The following OXR1 variants were observed in gnomAD, a reference collection of about 807,000 sequenced individuals.
OXR1 encodes the protein oxidation resistance protein 1.
OXR1 carries 41 observed loss-of-function variants against 104.6 expected under a neutral mutation model. That is an observed-to-expected ratio of 0.39 (90% CI 0.31 to 0.51). OXR1 has a LOEUF of 0.51. Ranked by LOEUF, OXR1 falls within the 20% of genes least tolerant of loss-of-function variation. OXR1 has a pLI of 0.77. For synonymous variants in OXR1, 348 were observed against 348.4 expected (o/e 1.00, Z 0.01); for missense variants, 955 against 1,031.9 (o/e 0.93, Z 1.02).
intron 1 of OXR1, among the ~76,000 whole-genome samples, chr8:106,357,845 A>G (rs1457866179): frequency 1.3e-5 from 2 of 152,108 alleles, no homozygotes; most frequent in African/African-American, 4.8e-5. Context: ...CAGTAAGTAA[A>G]AAAACCACAA....
chr8:106,605,634 A>G (rs1190444328), intron 3 of OXR1, among the ~76,000 whole-genome samples: 1 of 84,296 alleles, frequency 1.2e-5, no homozygotes, highest in East Asian at 5.8e-4. Context: ...GTCTCTACTA[A>G]AAAAAAAAAA....
intron 2 of OXR1, among the ~76,000 whole-genome samples, chr8:106,511,459 A>C (rs865833090): frequency 3.3e-5 from 5 of 152,134 alleles, no homozygotes; most frequent in African/African-American, 1.2e-4. Context: ...TCTTGCTGGA[A>C]ATTACTGGAA....
intron 11 of OXR1, among the ~76,000 whole-genome samples, chr8:106,722,294 A>G (rs1215661461): frequency 3.3e-5 from 5 of 152,200 alleles, no homozygotes; most frequent in Non-Finnish European, 4.4e-5. Context: ...CTACATTGAG[A>G]AATCACATTT....
At chr8:106,423,757 G>T (rs1198698655) in intron 2 of OXR1, among the ~76,000 whole-genome samples, 1 of 152,206 alleles carries the variant, frequency 6.6e-6, no homozygotes, top group Non-Finnish European at 1.5e-5. Flanking sequence ...TCTCTTAAGA[G>T]TTAGCTCTCC....
intron 12 of OXR1, 68 bp from the exon 13 acceptor site, chr8:106,739,390 A>G (rs955177036): frequency 7.1e-7 from 1 of 1,403,224 alleles, no homozygotes; most frequent in African/African-American, 1.4e-5. Flanking sequence ...ATTTATCTGA[A>G]AAGTCTGACA....
At chr8:106,316,653 A>G (rs1052539574) in intron 1 of OXR1, among the ~76,000 whole-genome samples, 1 of 152,004 alleles carries the variant, frequency 6.6e-6, no homozygotes, top group Admixed American at 6.6e-5. Context: ...GGGCTAGGAA[A>G]GGTTAGTGGC....
Position 106,546,770 on chromosome 8 carries a change from A to G in OXR1, c.220+27631A>G. On this transcript the variant is annotated intron_variant, in intron 3 of 16. Transcript: ENST00000517566. ...CTGCAGCTATTTGCTTAGGCATAAA[A>G]GGAAAAGCAGTTGCTTGCGTGACTC... is the stretch of plus-strand genomic sequence containing the variant. Among the ~76,000 whole-genome samples the G allele has an allele frequency of 1.3e-5, 2 of 152,250 alleles. 1 individual carries two copies. The highest frequency in any genetic ancestry group is 1.3e-4 in the Admixed American group (2 of 15,280).
intron 3 of OXR1, among the ~76,000 whole-genome samples, chr8:106,670,548 T>C (rs1407548849): frequency 6.6e-6 from 1 of 152,196 alleles, no homozygotes; most frequent in African/African-American, 2.4e-5. Flanking sequence ...ATTAAGAATT[T>C]TGTAGAAAGT....
At chr8:106,273,294 G>C (rs1263590606) in intron 1 of OXR1, among the ~76,000 whole-genome samples, 1 of 152,122 alleles carries the variant, frequency 6.6e-6, no homozygotes, top group Non-Finnish European at 1.5e-5. Context: ...GAAATGGCTT[G>C]AGGAGGCAGA....
intron 3 of OXR1, among the ~76,000 whole-genome samples, chr8:106,551,531 C>G (rs1815803547): frequency 2.0e-5 from 3 of 151,954 alleles, no homozygotes; most frequent in African/African-American, 7.3e-5. Context: ...AATTCAGTTT[C>G]AAATGCTGAA....
At chr8:106,531,559 T>C (rs1814094682) in intron 3 of OXR1, among the ~76,000 whole-genome samples, 1 of 152,196 alleles carries the variant, frequency 6.6e-6, no homozygotes, top group Admixed American at 6.5e-5. Flanking sequence ...TGATAACATA[T>C]TGTAGATAAA....
intron 5 of OXR1, 47 bp downstream of exon 5, chr8:106,683,353 A>G: frequency 1.1e-6 from 1 of 871,848 alleles, no homozygotes; most frequent in Non-Finnish European, 1.9e-6. Context: ...CATTAAACAG[A>G]AAGGCAGAAA....
chr8:106,516,835 AGTT>A (rs1812895330), intron 2 of OXR1, among the ~76,000 whole-genome samples: 1 of 152,156 alleles, frequency 6.6e-6, no homozygotes, highest in Non-Finnish European at 1.5e-5. Flanking sequence ...ATATTGTTAT[AGTT>A]GTTCTGTGTT....
intron 3 of OXR1, among the ~76,000 whole-genome samples, chr8:106,598,681 A>G (rs1453322046): frequency 6.6e-6 from 1 of 152,248 alleles, no homozygotes; most frequent in African/African-American, 2.4e-5. Flanking sequence ...AAATATCCAT[A>G]GAAAACAGAA....
intron 2 of OXR1, among the ~76,000 whole-genome samples, chr8:106,475,646 TTA>T (rs1244129743): frequency 1.3e-5 from 2 of 152,032 alleles, no homozygotes; most frequent in African/African-American, 4.8e-5. Flanking sequence ...TGCCCATATC[TTA>T]TGAGTCCATT....
At chr8:106,370,064 G>A (rs200057690) in intron 2 of OXR1, among the ~76,000 whole-genome samples, 1 of 151,990 alleles carries the variant, frequency 6.6e-6, no homozygotes, top group African/African-American at 2.4e-5. Flanking sequence ...TGTGTCCTCT[G>A]TTATTTCCTT....
chr8:106,504,164 ATTCTCAGC>A (rs1298491303), intron 2 of OXR1, among the ~76,000 whole-genome samples: 1 of 152,198 alleles, frequency 6.6e-6, no homozygotes, highest in Non-Finnish European at 1.5e-5. Flanking sequence ...TGCAGGAATG[ATTCTCAGC>A]TTTGTACACA....
At chr8:106,640,578 A>C (rs1231487620) in intron 3 of OXR1, among the ~76,000 whole-genome samples, 2 of 152,120 alleles carry the variant, frequency 1.3e-5, no homozygotes, top group South Asian at 4.1e-4. Flanking sequence ...CCTCTCTTTA[A>C]TAATAATAGA....
At chr8:106,378,402 G>C (rs765122365) in intron 2 of OXR1, among the ~76,000 whole-genome samples, 5 of 152,210 alleles carry the variant, frequency 3.3e-5, no homozygotes, top group African/African-American at 4.8e-5. Flanking sequence ...CCGAGTGACT[G>C]TCATCTCGTT....
Sources: gnomAD v4.1 joint callset for allele counts (sites outside exome capture counted in the v4.1 genomes callset) on GRCh38, gnomAD v4.1.1 for gene constraint, MANE v1.5 for transcripts, NCBI Gene and HGNC (gene_info 2026-07-23, HGNC 2026-07-21) for gene names.